Variants in VEPH1 observed in about 807,000 individuals in gnomAD.
VEPH1 encodes the protein ventricular zone-expressed PH domain-containing protein homolog 1.
VEPH1 carries 80 observed loss-of-function variants against 85.2 expected under a neutral mutation model. That is an observed-to-expected ratio of 0.94 (90% CI 0.78 to 1.13). VEPH1 has a LOEUF of 1.13. Ranked by LOEUF, VEPH1 falls within the 50% of genes most tolerant of loss-of-function variation. VEPH1 has a pLI of 0.00. For synonymous variants in VEPH1, 297 were observed against 348.0 expected (o/e 0.85, Z 1.63); for missense variants, 955 against 980.5 (o/e 0.97, Z 0.35).
At chr3:157,376,979 G>A (rs530425452) in intron 7 of VEPH1, among the ~76,000 whole-genome samples, 57 of 152,252 alleles carry the variant, frequency 3.7e-4, no homozygotes, top group South Asian at 3.3e-3. Context: ...CTGCTTTGGG[G>A]GCAGGTTAAA....
chr3:157,409,502 T>A (rs1484271670), intron 6 of VEPH1, among the ~76,000 whole-genome samples: 1 of 152,170 alleles, frequency 6.6e-6, no homozygotes, highest in Admixed American at 6.5e-5. Flanking sequence ...ACTATATGAT[T>A]ATTAAACATG....
intron 10 of VEPH1, among the ~76,000 whole-genome samples, chr3:157,316,452 T>G (rs924184722): frequency 1.3e-5 from 2 of 151,408 alleles, no homozygotes; most frequent in African/African-American, 4.9e-5. Context: ...TCTGTAAAAA[T>G]GATTCCTAAG....
rs1335174088 is a variant in VEPH1, at chr3:157,381,954, T to C, written c.907-578A>G. Among the ~76,000 whole-genome samples the C allele has an allele frequency of 2.6e-5, 4 of 152,142 alleles. No homozygotes were observed. The East Asian group carries it at 7.7e-4, about 29-fold the overall frequency. On this transcript the variant is annotated intron_variant, in intron 6 of 13. Coordinates refer to ENST00000362010, the MANE Select transcript of VEPH1 (RefSeq NM_001167912.2). ...CCAGGTCAAAACCTCTCAACCATCATAAATGATGAGACCCCACACATGCAC... is the reference window on the plus strand; with the variant it reads ...CCAGGTCAAAACCTCTCAACCATCACAAATGATGAGACCCCACACATGCAC...
At position 157,417,256 on chromosome 3, in the gene VEPH1, A is replaced by C. The variant is rs1048081646; in HGVS notation, c.697-3166T>G. Among the ~76,000 whole-genome samples the C allele has an allele frequency of 2.3e-4, 35 of 152,272 alleles. 1 individual carries two copies. The highest frequency in any genetic ancestry group is 8.4e-4 in the African/African-American group (35 of 41,554). ...GGCATTTCCTTAGGCTGGTGTCTTCAGTGCTTCCTCATTGGGAGCCGCCTT... is the reference window on the plus strand; with the variant it reads ...GGCATTTCCTTAGGCTGGTGTCTTCCGTGCTTCCTCATTGGGAGCCGCCTT... On this transcript the variant is annotated intron_variant, in intron 5 of 13. Coordinates refer to ENST00000362010, the MANE Select transcript of VEPH1 (RefSeq NM_001167912.2).
intron 6 of VEPH1, among the ~76,000 whole-genome samples, chr3:157,405,941 A>T (rs181168076): frequency 1.4e-3 from 213 of 152,276 alleles, no homozygotes; most frequent in Non-Finnish European, 1.8e-3. Flanking sequence ...TCCACCCTAT[A>T]TCACTGAGGG....
rs373323964 is a variant in VEPH1, at chr3:157,295,834, C to T, written c.2011-9160G>A. Among the ~76,000 whole-genome samples, 128 of 151,730 alleles carry T rather than the reference C, an allele frequency of 8.4e-4. 1 individual carries two copies. The South Asian group carries it at 0.014, about 16-fold the overall frequency. ...GCTGGATGTGATGGCACAGGCCTGT[C>T]GTCCCAGCTACCCAGGAGGCTGAGG... On this transcript the variant is annotated intron_variant, in intron 11 of 13. Coordinates refer to ENST00000362010, the MANE Select transcript of VEPH1 (RefSeq NM_001167912.2).
In VEPH1 at chr3:157,470,404, G is replaced by A. The variant is rs565644625; in HGVS notation, c.264C>T (p.Ser88=). The change falls in exon 3 of 14, where the codon TCC becomes TCT. Residue 88 remains serine (S), a synonymous_variant. Transcript: ENST00000362010. ...AGGGTCTCAGGTTATGTTCCAAGCA[G>A]GAGTCCCAGAGCCCCACAAGGGCCT... The part of the protein sequence containing the change: ...HAKALVGLWD[S]CLEHNLRPFG... 1 of 1,614,128 alleles carries A rather than the reference G, an allele frequency of 6.2e-7. No homozygotes were observed. Among genetic ancestry groups the A allele is most frequent in the Non-Finnish European group, 8.5e-7 (1 of 1,180,030 alleles).
chr3:157,363,569 G>A lies in VEPH1; in HGVS notation c.1530C>T (p.Tyr510=), dbSNP rs1260510582. Residue 510 remains tyrosine (Y), a synonymous_variant, in exon 9 of 14, where the codon TAC becomes TAT. Coordinates refer to ENST00000362010, the MANE Select transcript of VEPH1 (RefSeq NM_001167912.2). ...RSQLGESSVS[Y]PNIIHIDSEN... Reference sequence around the variant, plus strand: ...CTGAGTCTATATGTATAATATTTGGGTATGAAACTGAAGACTCCCCCAGCT... The same window carrying A: ...CTGAGTCTATATGTATAATATTTGGATATGAAACTGAAGACTCCCCCAGCT... 15 of 1,613,968 alleles carry A rather than the reference G, an allele frequency of 9.3e-6. No homozygotes were observed. Among genetic ancestry groups the A allele is most frequent in the East Asian group, 2.2e-5 (1 of 44,894 alleles).
chr3:157,288,501 AT>A (rs5853779), intron 11 of VEPH1, among the ~76,000 whole-genome samples: 67,404 of 150,300 alleles, frequency 0.45, 15,971 homozygotes, highest in Admixed American at 0.59. Flanking sequence ...ACAGAAACAT[AT>A]TTTTTTTTTT....
rs186608610 is a variant in VEPH1, at chr3:157,310,337, G to A, written c.2010+3284C>T. Among the ~76,000 whole-genome samples the A allele has an allele frequency of 6.6e-5, 10 of 152,274 alleles. No homozygotes were observed. The East Asian group carries it at 1.4e-3, about 21-fold the overall frequency. On this transcript the variant is annotated intron_variant, in intron 11 of 13. Coordinates refer to ENST00000362010, the MANE Select transcript of VEPH1 (RefSeq NM_001167912.2). ...CTAACATTTATTTAGAGATCACAAT[G>A]TGTGGCCACTGTTCTGAGAGCTCTG...
chr3:157,333,630 A>G (rs1258341456), intron 9 of VEPH1, among the ~76,000 whole-genome samples: 1 of 152,250 alleles, frequency 6.6e-6, no homozygotes, highest in Non-Finnish European at 1.5e-5. Context: ...GTGGAAGCCC[A>G]TATGGTAGAA....
At chr3:157,289,765 G>C (rs1391148908) in intron 11 of VEPH1, among the ~76,000 whole-genome samples, 3 of 152,124 alleles carry the variant, frequency 2.0e-5, no homozygotes, top group African/African-American at 7.2e-5. Flanking sequence ...GATTTGTTTA[G>C]AGAATTACAA....
chr3:157,369,491 T>A lies in VEPH1; in HGVS notation c.1128-4979A>T, dbSNP rs74317368. On this transcript the variant is annotated intron_variant, in intron 7 of 13. Transcript: ENST00000362010. ...CTCCCTTGGTTTTATGATTTAGATT[T>A]GTAGAGCACAGAAGTCAGTGGACTG... Among the ~76,000 whole-genome samples, 1,048 of 152,304 alleles carry A rather than the reference T, an allele frequency of 6.9e-3. 18 individuals carry two copies. The highest frequency in any genetic ancestry group is 0.024 in the African/African-American group (990 of 41,554).
chr3:157,299,145 T>G (rs1210337662), intron 11 of VEPH1, among the ~76,000 whole-genome samples: 1 of 152,236 alleles, frequency 6.6e-6, no homozygotes, highest in Non-Finnish European at 1.5e-5. Flanking sequence ...TGCTCATTAC[T>G]TTAGTGAAAC....
intron 9 of VEPH1, among the ~76,000 whole-genome samples, chr3:157,353,568 A>G (rs1431350999): frequency 1.3e-5 from 2 of 152,086 alleles, no homozygotes; most frequent in Non-Finnish European, 2.9e-5. Flanking sequence ...ACTCAGCCCC[A>G]GTGTGATTCT....
At chr3:157,429,733 A>G (rs1733005781) in intron 4 of VEPH1, among the ~76,000 whole-genome samples, 1 of 152,208 alleles carries the variant, frequency 6.6e-6, no homozygotes, top group African/African-American at 2.4e-5. Context: ...GCGTCTCCTT[A>G]AAAGATCAGG....
rs12634645 is a variant in VEPH1 at position 157,330,051 on chromosome 3, G to A, written c.1736-12850C>T. 2.8e-3 allele frequency among the ~76,000 whole-genome samples: 424 copies of A among 152,178 alleles called. 5 individuals carry two copies. In the East Asian group the frequency reaches 0.043, roughly 16 times the overall value. On this transcript the variant is annotated intron_variant, in intron 9 of 13. Transcript: ENST00000362010. ...AGAGCTGGAATGGACTTTGAGTGGT[G>A]GTCTCTCTTTTAATAGACAGGATTG...
intron 5 of VEPH1, among the ~76,000 whole-genome samples, chr3:157,416,593 AT>A (rs980123102): frequency 1.3e-5 from 2 of 152,120 alleles, no homozygotes; most frequent in African/African-American, 4.8e-5. Context: ...ATAAAGTTTC[AT>A]TTGCCAGTCC....
intron 2 of VEPH1, among the ~76,000 whole-genome samples, chr3:157,476,489 G>A (rs1043735613): frequency 2.6e-5 from 4 of 151,742 alleles, no homozygotes; most frequent in Non-Finnish European, 4.4e-5. Context: ...ACATAATCAT[G>A]GGACTCACTG....
Sources: allele counts gnomAD v4.1 joint callset (sites outside exome capture counted in the v4.1 genomes callset), GRCh38; gene constraint gnomAD v4.1.1; transcripts MANE v1.5; gene names NCBI Gene and HGNC (gene_info 2026-07-23, HGNC 2026-07-21).